Variants in NF1 observed in about 807,000 individuals in gnomAD.
NF1 encodes the protein neurofibromin.
In NF1, 122 loss-of-function variants were observed where a neutral mutation model predicts 325.7. The observed-to-expected ratio is 0.37, with a 90% CI of 0.32 to 0.44. The LOEUF is 0.44. Ranked by LOEUF, NF1 falls within the 20% of genes least tolerant of loss-of-function variation. The pLI, the probability that NF1 is intolerant of heterozygous loss-of-function variation, is 1.00. For missense variants in NF1, 2,140 were observed against 3,415.4 expected (o/e 0.63, Z 9.31); for synonymous variants, 1,091 against 1,186.0 (o/e 0.92, Z 1.65).
At chr17:31,219,401 A>C (rs1194639438) in intron 14 of NF1, 2 of 156,668 alleles carry the variant, frequency 1.3e-5, no homozygotes, top group Non-Finnish European at 2.8e-5. Context: ...TATTATTATT[A>C]AATATTAAAA....
At position 31,261,803 on chromosome 17, in the gene NF1, C is replaced by G. The variant is rs876660065; in HGVS notation, c.4670C>G (p.Thr1557Arg). Residue 1557 changes from threonine to arginine, a missense_variant, in exon 35 of 58, where the codon ACA (threonine) becomes AGA (arginine). Physicochemically the swap from Thr to Arg is moderately conservative, Grantham distance 71. This residue lies in a region of NF1 where 103 missense variants were observed against 214.6 expected (regional missense o/e 0.48). Transcript: ENST00000358273. ...CCAGAGCACAAACCTGTGGCAGATA[C>G]ACACTGGTCCAGCCTTAACCTTACC... ...GPPEHKPVAD[T>R]HWSSLNLTSS... 1 of 1,612,870 alleles carries G rather than the reference C, an allele frequency of 6.2e-7. No homozygotes were observed. The highest frequency in any genetic ancestry group is 8.5e-7 in the Non-Finnish European group (1 of 1,179,960).
chr17:31,318,460 GC>G, intron 36 of NF1: 1 of 1,613,984 alleles, frequency 6.2e-7, no homozygotes, highest in Non-Finnish European at 8.5e-7. Flanking sequence ...TAGACCGCTT[GC>G]CAGAAAATCG....
intron 8 of NF1, among the ~76,000 whole-genome samples, chr17:31,190,073 T>G (rs1052119469): frequency 2.1e-5 from 3 of 145,880 alleles, no homozygotes; most frequent in African/African-American, 5.0e-5. Flanking sequence ...AAAAATGTAT[T>G]TTTAAAAATG....
chr17:31,157,983 A>G (rs1290086671), intron 2 of NF1, among the ~76,000 whole-genome samples: 1 of 152,064 alleles, frequency 6.6e-6, no homozygotes. Context: ...AAAGTTAACT[A>G]TATAATGTTA....
At chr17:31,331,945 A>G (rs1483781371) in intron 39 of NF1, 1 of 132,248 alleles carries the variant, frequency 7.6e-6, no homozygotes, top group Non-Finnish European at 1.6e-5. Flanking sequence ...AAAAAGTTGT[A>G]TATAAAAGCT....
Position 31,367,286 on chromosome 17 carries a change from T to C in NF1, c.8377+6583T>C, listed in dbSNP as rs181147775. ...AGCTGTTCCCTCATCAAGGTACTCTTTATTTTCATCATCTTTGCACGAAAA... is the reference window on the plus strand; with the variant it reads ...AGCTGTTCCCTCATCAAGGTACTCTCTATTTTCATCATCTTTGCACGAAAA... On this transcript the variant is annotated intron_variant, in intron 57 of 57. Coordinates refer to ENST00000358273, the MANE Select transcript of NF1 (RefSeq NM_001042492.3). 42 of 1,309,052 alleles carry C rather than the reference T, an allele frequency of 3.2e-5. No individual in the cohort carries two copies. The East Asian group carries it at 2.0e-3, about 62-fold the overall frequency. 81.1% of individuals were successfully genotyped at this position (1,309,052 alleles called of 1,614,324 possible).
chr17:31,137,525 G>A (rs1915865809), intron 1 of NF1: 1 of 152,078 alleles, frequency 6.6e-6, no homozygotes. Context: ...TCTGTTCAGT[G>A]TGACCATTTT....
chr17:31,314,273 T>C, intron 36 of NF1: 1 of 323,332 alleles, frequency 3.1e-6, no homozygotes, highest in Non-Finnish European at 5.6e-6. Context: ...TGAGATACTC[T>C]AGTAATATGA....
chr17:31,223,679 C>T, intron 16 of NF1, 112 bp downstream of exon 16: 1 of 1,023,628 alleles, frequency 9.8e-7, no homozygotes, highest in Admixed American at 2.0e-5. Flanking sequence ...TCTCCTTCCT[C>T]CCAATGTTCT....
intron 1 of NF1, among the ~76,000 whole-genome samples, chr17:31,144,748 C>T (rs1466592399): frequency 6.6e-6 from 1 of 152,146 alleles, no homozygotes; most frequent in Admixed American, 6.5e-5. Context: ...TAAAAACTGT[C>T]AGACCAATTA....
intron 12 of NF1, 46 bp downstream of exon 12, chr17:31,206,417 T>C (rs752015042): frequency 6.3e-7 from 1 of 1,585,888 alleles, no homozygotes; most frequent in East Asian, 2.3e-5. Flanking sequence ...TTCTATTGCA[T>C]TTTTTTTAGT....
At chr17:31,116,898 C>A (rs963943672) in intron 1 of NF1, among the ~76,000 whole-genome samples, 4 of 151,146 alleles carry the variant, frequency 2.6e-5, no homozygotes, top group African/African-American at 9.7e-5. Context: ...AGGATGGTCT[C>A]GATCTCCTGA....
At position 31,113,810 on chromosome 17, in the gene NF1, G is replaced by T. The variant is rs150552206; in HGVS notation, c.60+18441G>T. ...TGTTTGACCACTCAGCCTTTATACA[G>T]ATATTTCATCTTCTTTACAAGAAGA... On this transcript the variant is annotated intron_variant, in intron 1 of 57. Coordinates refer to ENST00000358273, the MANE Select transcript of NF1 (RefSeq NM_001042492.3). Among the ~76,000 whole-genome samples the T allele has an allele frequency of 2.9e-3, 440 of 152,280 alleles. 2 individuals are homozygous for T. Among genetic ancestry groups the T allele is most frequent in the African/African-American group, 9.6e-3 (399 of 41,552 alleles).
At chr17:31,158,085 C>G (rs1023037813) in intron 2 of NF1, among the ~76,000 whole-genome samples, 1 of 152,052 alleles carries the variant, frequency 6.6e-6, no homozygotes, top group African/African-American at 2.4e-5. Context: ...CTACCCACCC[C>G]GATTCTCCCT....
At position 31,376,291 on chromosome 17, in the gene NF1, C is replaced by G; in HGVS notation, c.*2136C>G. On this transcript the variant is annotated 3_prime_UTR_variant, in exon 58 of 58. Coordinates refer to ENST00000358273, the MANE Select transcript of NF1 (RefSeq NM_001042492.3). ...ATAGTGGGTGTTATGCTATTTTGCT[C>G]TTCCCATCAAAATAAAGAAACTTCC... 3 of 232,946 alleles carry G rather than the reference C, an allele frequency of 1.3e-5. No homozygotes were observed. Among genetic ancestry groups the G allele is most frequent in the Non-Finnish European group, 2.5e-5 (3 of 117,868 alleles). The allele number at this position is 232,946 out of a possible 1,614,324, so 14.4% of individuals were successfully genotyped here.
chr17:31,250,014 G>A (rs2067468099), intron 30 of NF1: 2 of 497,716 alleles, frequency 4.0e-6, no homozygotes, highest in Non-Finnish European at 7.9e-6. Flanking sequence ...GACGTTAACA[G>A]CATCATTGAA....
intron 35 of NF1, among the ~76,000 whole-genome samples, chr17:31,262,274 A>C (rs1191617732): frequency 2.0e-5 from 3 of 152,210 alleles, no homozygotes; most frequent in Non-Finnish European, 4.4e-5. Context: ...CAGAACCCTC[A>C]TAAAGGTTAA....
chr17:31,370,109 C>T (rs1402596534), intron 57 of NF1, among the ~76,000 whole-genome samples: 1 of 152,030 alleles, frequency 6.6e-6, no homozygotes, highest in East Asian at 1.9e-4. Context: ...AGTCACACCA[C>T]ATTTACCTAT....
intron 36 of NF1, among the ~76,000 whole-genome samples, chr17:31,285,925 C>T (rs2068218598): frequency 1.3e-5 from 2 of 152,208 alleles, no homozygotes; most frequent in Admixed American, 6.5e-5. Context: ...AAAAGTATAG[C>T]GATCCAACCT....
Sources: gnomAD v4.1 joint callset for allele counts (sites outside exome capture counted in the v4.1 genomes callset) on GRCh38, gnomAD v4.1.1 for gene constraint, gnomAD v4.1.1 regional missense constraint, MANE v1.5 for transcripts, NCBI Gene and HGNC (gene_info 2026-07-23, HGNC 2026-07-21) for gene names.